IQSEC3: variants seen among roughly 807,000 people sequenced by gnomAD.
The protein encoded by IQSEC3 is IQ motif and Sec7 domain ArfGEF 3, also known as IQ motif and SEC7 domain-containing protein 3.
IQSEC3 carries 50 observed loss-of-function variants against 105.4 expected under a neutral mutation model. That is an observed-to-expected ratio of 0.47 (90% CI 0.38 to 0.60). The LOEUF (loss-of-function observed/expected upper bound fraction) is 0.60, where lower values mean the gene tolerates loss of function less well. Among genes scored for constraint, IQSEC3 ranks in the 20% least tolerant of loss-of-function variants. The pLI, the probability that IQSEC3 is intolerant of heterozygous loss-of-function variation, is 0.00. For missense variants in IQSEC3, 1,415 were observed against 1,630.0 expected (o/e 0.87, Z 2.27); for synonymous variants, 708 against 746.0 (o/e 0.95, Z 0.83).
At chr12:94,128 G>C (rs1864176092) in intron 1 of IQSEC3, among the ~76,000 whole-genome samples, 1 of 152,226 alleles carries the variant, frequency 6.6e-6, no homozygotes, top group Non-Finnish European at 1.5e-5. Flanking sequence ...AGGGACTGCA[G>C]TGATGCTTCT....
chr12:116,302 C>G (rs1430233691), intron 2 of IQSEC3, among the ~76,000 whole-genome samples: 1 of 152,152 alleles, frequency 6.6e-6, no homozygotes, highest in African/African-American at 2.4e-5. Context: ...CGACTCTACC[C>G]CTAATTACAA....
At chr12:128,172 G>A (rs1483876725) in intron 3 of IQSEC3, among the ~76,000 whole-genome samples, 5 of 152,130 alleles carry the variant, frequency 3.3e-5, no homozygotes, top group Non-Finnish European at 5.9e-5. Flanking sequence ...TCCCAAGCCT[G>A]CACTGGGTGT....
chr12:154,471 G>A (rs989199545), intron 5 of IQSEC3, among the ~76,000 whole-genome samples: 2 of 152,144 alleles, frequency 1.3e-5, no homozygotes, highest in Admixed American at 6.5e-5. Context: ...CAGGACCTCA[G>A]CGTTCAGAAA....
intron 2 of IQSEC3, among the ~76,000 whole-genome samples, chr12:119,389 A>C (rs1324308866): frequency 3.3e-5 from 5 of 152,166 alleles, no homozygotes; most frequent in Non-Finnish European, 7.3e-5. Flanking sequence ...TGAAGGTAAA[A>C]TTTGGCATGT....
intron 3 of IQSEC3, among the ~76,000 whole-genome samples, chr12:126,685 G>A (rs1161889963): frequency 2.6e-5 from 4 of 152,124 alleles, no homozygotes; most frequent in South Asian, 2.1e-4. Flanking sequence ...CAGTGACTTT[G>A]GGAGTTGCCA....
intron 8 of IQSEC3, among the ~76,000 whole-genome samples, chr12:162,561 C>T (rs1866942326): frequency 6.6e-6 from 1 of 152,198 alleles, no homozygotes; most frequent in African/African-American, 2.4e-5. Flanking sequence ...ACACTTTATA[C>T]TATAAAGGAT....
At chr12:97,967 C>T (rs1555075124) in intron 1 of IQSEC3, among the ~76,000 whole-genome samples, 1 of 152,234 alleles carries the variant, frequency 6.6e-6, no homozygotes, top group East Asian at 1.9e-4. Context: ...GTACAGATGC[C>T]CCTTCCCCCA....
intron 1 of IQSEC3, among the ~76,000 whole-genome samples, chr12:78,399 A>G (rs1555069921): frequency 6.6e-6 from 1 of 151,474 alleles, no homozygotes; most frequent in Non-Finnish European, 1.5e-5. Context: ...GGGGACATTG[A>G]GGCGGGGGCG....
chr12:149,419 A>G (rs4980802), intron 5 of IQSEC3, among the ~76,000 whole-genome samples: 48,056 of 151,984 alleles, frequency 0.32, 8,603 homozygotes, highest in Admixed American at 0.42. Context: ...TGTCAGCTCC[A>G]GATAATCTTG....
intron 3 of IQSEC3, among the ~76,000 whole-genome samples, chr12:130,894 C>G (rs138187868): frequency 9.8e-5 from 15 of 152,332 alleles, no homozygotes; most frequent in African/African-American, 3.6e-4. Context: ...AGGCCAAGTT[C>G]TGGAGGCTCA....
chr12:106,573 TA>T (rs1864660042), intron 2 of IQSEC3: 1 of 152,258 alleles, frequency 6.6e-6, no homozygotes, highest in African/African-American at 2.4e-5. Context: ...TAACTAAAGA[TA>T]ATACTTCCAG....
chr12:133,880 A>T (rs1366970954), intron 3 of IQSEC3, among the ~76,000 whole-genome samples: 3 of 151,910 alleles, frequency 2.0e-5, no homozygotes, highest in African/African-American at 7.3e-5. Context: ...GGAACAGGCT[A>T]GGGCAGGGTT....
intron 2 of IQSEC3, among the ~76,000 whole-genome samples, chr12:109,984 C>G (rs151290285): frequency 6.6e-6 from 1 of 152,240 alleles, no homozygotes; most frequent in East Asian, 1.9e-4. Flanking sequence ...ACAGCTCTGT[C>G]GAAACAACAA....
chr12:110,261 T>G (rs868931876), intron 2 of IQSEC3, among the ~76,000 whole-genome samples: 1 of 152,142 alleles, frequency 6.6e-6, no homozygotes, highest in Admixed American at 6.5e-5. Context: ...ATTCCACCTA[T>G]CAATCTTTTG....
chr12:70,871 C>A (rs1241072891), intron 1 of IQSEC3, among the ~76,000 whole-genome samples: 1 of 152,264 alleles, frequency 6.6e-6, no homozygotes, highest in African/African-American at 2.4e-5. Context: ...GTCTGAAGGG[C>A]TCCACAGCTC....
At chr12:76,164 A>T (rs1429773855) in intron 1 of IQSEC3, among the ~76,000 whole-genome samples, 4 of 152,104 alleles carry the variant, frequency 2.6e-5, no homozygotes, top group African/African-American at 4.8e-5. Context: ...GAAACGGGCA[A>T]TGGGCCTATG....
chr12:170,420 T>C (rs10744538), intron 12 of IQSEC3, among the ~76,000 whole-genome samples: 71,579 of 152,038 alleles, frequency 0.47, 17,437 homozygotes, highest in East Asian at 0.59. Context: ...TCCCAAACAA[T>C]GGTGCAGCTC....
At chr12:115,360 T>C (rs73601069) in intron 2 of IQSEC3, among the ~76,000 whole-genome samples, 4,820 of 152,176 alleles carry the variant, frequency 0.032, 196 homozygotes, top group African/African-American at 0.097. Context: ...AGAAGGAAGA[T>C]GGAATGAAGG....
chr12:165,258 G>C (rs1046125983), intron 9 of IQSEC3, 176 bp from the exon 10 acceptor site: 1 of 623,820 alleles, frequency 1.6e-6, no homozygotes, highest in Middle Eastern at 3.9e-4. Flanking sequence ...AGGGTTTTGT[G>C]CAGTGAAGAA....
Sources: gnomAD v4.1 joint callset for allele counts (sites outside exome capture counted in the v4.1 genomes callset) on GRCh38, gnomAD v4.1.1 for gene constraint, MANE v1.5 for transcripts, NCBI Gene and HGNC (gene_info 2026-07-23, HGNC 2026-07-21) for gene names.